The following PCDHGA5 variants were observed in gnomAD, a reference collection of about 807,000 sequenced individuals.
The protein encoded by PCDHGA5 is protocadherin gamma-A5.
PCDHGA5 carries 36 observed loss-of-function variants against 56.7 expected under a neutral mutation model. The observed-to-expected ratio is 0.64, with a 90% CI of 0.49 to 0.84. PCDHGA5 has a LOEUF of 0.84. Among genes scored for constraint, PCDHGA5 ranks in the 40% least tolerant of loss-of-function variants. The pLI, the probability that PCDHGA5 is intolerant of heterozygous loss-of-function variation, is 0.00. For missense variants in PCDHGA5, 1,305 were observed against 1,201.5 expected, an observed-to-expected ratio of 1.09 and a Z score of -1.27; for synonymous variants, 563 against 520.2, an observed-to-expected ratio of 1.08 and a Z score of -1.12.
At chr5:141,375,521 GACGTGGACCAGA>G in intron 1 of PCDHGA5, 1 of 1,613,994 alleles carries the variant, frequency 6.2e-7, no homozygotes, top group Non-Finnish European at 8.5e-7. Context: ...ACTGGACCCT[GACGTGGACCAGA>G]ACGCCCAAGT....
chr5:141,423,525 G>A (rs1014975146), intron 1 of PCDHGA5: 8 of 1,613,710 alleles, frequency 5.0e-6, no homozygotes, highest in African/African-American at 2.7e-5. Context: ...ACTCGCAGAA[G>A]AGTCACCTGA....
chr5:141,485,074 G>C lies in PCDHGA5; in HGVS notation c.2422-9733G>C, dbSNP rs2099606548. ...GGCCGAACCGCGCCAGAGCTGGCGC[G>C]GGGAAAGGGAGATAGGTGTCTCCAG... On this transcript the variant is annotated intron_variant, in intron 1 of 3. Coordinates refer to ENST00000518069, the MANE Select transcript of PCDHGA5 (RefSeq NM_018918.3). The surrounding 1 kb of genome is among the most constrained non-coding windows in gnomAD (Gnocchi z 5.7). 1 of 926,946 alleles carries C rather than the reference G, an allele frequency of 1.1e-6. No individual in the cohort carries two copies. The highest frequency in any genetic ancestry group is 1.6e-5 in the South Asian group (1 of 62,606). The allele number at this position is 926,946 out of a possible 1,614,324, so 57.4% of individuals were successfully genotyped here.
At chr5:141,375,062 C>G in intron 1 of PCDHGA5, 1 of 1,613,996 alleles carries the variant, frequency 6.2e-7, no homozygotes, top group Non-Finnish European at 8.5e-7. Flanking sequence ...TGGGCCAGGT[C>G]TTCGAGACAG....
rs1457243337 is a variant in PCDHGA5 at position 141,493,567 on chromosome 5, C to T, written c.2422-1240C>T. Reference sequence around the variant, plus strand: ...TTTGGAGATTGAGTTCCCCCAGCTCCGTTTCCTCCTATCACAATCACTGCA... The same window carrying T: ...TTTGGAGATTGAGTTCCCCCAGCTCTGTTTCCTCCTATCACAATCACTGCA... On this transcript the variant is annotated intron_variant, in intron 1 of 3. Transcript: ENST00000518069. This position sits in a 1 kb window ranked among gnomAD's most constrained non-coding sequence, Gnocchi z 4.3. Among the ~76,000 whole-genome samples, 3 of 152,266 alleles carry T rather than the reference C, an allele frequency of 2.0e-5. No individual in the cohort carries two copies. The highest frequency in any genetic ancestry group is 4.4e-5 in the Non-Finnish European group (3 of 68,018).
chr5:141,421,054 A>G, intron 1 of PCDHGA5: 3 of 571,978 alleles, frequency 5.2e-6, no homozygotes, highest in Non-Finnish European at 9.0e-6. Context: ...CGCCTCTACC[A>G]CACAAAGCGG....
chr5:141,491,232 G>C lies in PCDHGA5; in HGVS notation c.2422-3575G>C. The C allele has an allele frequency of 6.2e-7, 1 of 1,614,220 alleles. No individual in the cohort carries two copies. Among genetic ancestry groups the C allele is most frequent in the Non-Finnish European group, 8.5e-7 (1 of 1,180,034 alleles). On this transcript the variant is annotated intron_variant, in intron 1 of 3. Coordinates refer to ENST00000518069, the MANE Select transcript of PCDHGA5 (RefSeq NM_018918.3). The surrounding 1 kb of genome is among the most constrained non-coding windows in gnomAD (Gnocchi z 6.9). ...TCTCCTCCACAGCCACAGTGCTGCT[G>C]GTTCTGGAGGATGAGGACCCTGAGG... is the stretch of plus-strand genomic sequence containing the variant.
chr5:141,390,130 C>T lies in PCDHGA5; in HGVS notation c.2421+23379C>T. On this transcript the variant is annotated intron_variant, in intron 1 of 3. Coordinates refer to ENST00000518069, the MANE Select transcript of PCDHGA5 (RefSeq NM_018918.3). Reference sequence around the variant, plus strand: ...TACAGCGAGGGGACTTTGCCTTATTCCTACAATCTATGTGTTGCACATACA... The same window carrying T: ...TACAGCGAGGGGACTTTGCCTTATTTCTACAATCTATGTGTTGCACATACA... 6.2e-7 allele frequency: 1 copy of T among 1,614,034 alleles called. No individual in the cohort carries two copies. Among genetic ancestry groups the T allele is most frequent in the Non-Finnish European group, 8.5e-7 (1 of 1,179,898 alleles).
At chr5:141,441,736 T>C in intron 1 of PCDHGA5, 1 of 365,328 alleles carries the variant, frequency 2.7e-6, no homozygotes. Flanking sequence ...CAGGACTAGC[T>C]CGCGCTCGGC....
At chr5:141,407,286 T>A (rs1409712341) in intron 1 of PCDHGA5, among the ~76,000 whole-genome samples, 1 of 152,234 alleles carries the variant, frequency 6.6e-6, no homozygotes, top group Non-Finnish European at 1.5e-5. Flanking sequence ...TTGTTACAAT[T>A]TCTGTTCTGA....
At chr5:141,382,720 T>G in intron 1 of PCDHGA5, 1 of 480,114 alleles carries the variant, frequency 2.1e-6, no homozygotes, top group Non-Finnish European at 3.5e-6. Flanking sequence ...AACCACCGAG[T>G]TTTACAGCAC....
chr5:141,393,615 G>A (rs1168568292), intron 1 of PCDHGA5: 1 of 1,613,928 alleles, frequency 6.2e-7, no homozygotes, highest in South Asian at 1.1e-5. Context: ...AACAGCCAGC[G>A]ACCCGGATGA....
At chr5:141,399,466 G>A (rs1229342978) in intron 1 of PCDHGA5, 5 of 1,613,886 alleles carry the variant, frequency 3.1e-6, no homozygotes, top group East Asian at 4.5e-5. Context: ...TAACGCTCCG[G>A]TTTTCCACCA....
chr5:141,438,998 C>A (rs932958148), intron 1 of PCDHGA5, among the ~76,000 whole-genome samples: 7 of 151,836 alleles, frequency 4.6e-5, no homozygotes, highest in Non-Finnish European at 1.0e-4. Flanking sequence ...GGCTAAGGAC[C>A]TGGTTTGTTT....
chr5:141,432,991 CG>C lies in PCDHGA5; in HGVS notation c.2422-61812del. 1.9e-6 allele frequency: 3 copies of C among 1,614,200 alleles called. No homozygotes were observed. Among genetic ancestry groups the C allele is most frequent in the Non-Finnish European group, 2.5e-6 (3 of 1,180,030 alleles). On this transcript the variant is annotated intron_variant, in intron 1 of 3. Transcript: ENST00000518069. This position sits in a 1 kb window ranked among gnomAD's most constrained non-coding sequence, Gnocchi z 6.0. ...CGGCGTCGCACTTTGTGGGCGTGGACGGGGTGCAGGCTTTCCTGCAGACCTA... is the reference window on the plus strand; with the variant it reads ...CGGCGTCGCACTTTGTGGGCGTGGACGGGTGCAGGCTTTCCTGCAGACCTA...
At chr5:141,374,748 G>T in intron 1 of PCDHGA5, 1 of 1,611,888 alleles carries the variant, frequency 6.2e-7, no homozygotes, top group Non-Finnish European at 8.5e-7. Flanking sequence ...GACCCTGTCC[G>T]CTCAAGCGTC....
rs747205741 is a variant in PCDHGA5, at chr5:141,384,243, C to A, written c.2421+17492C>A. On this transcript the variant is annotated intron_variant, in intron 1 of 3. Coordinates refer to ENST00000518069, the MANE Select transcript of PCDHGA5 (RefSeq NM_018918.3). ...TGCAGGTGGCAGACACCAACGATAA[C>A]CCACCCACCTTCCCCCACTCATCCT... 3.5e-5 allele frequency: 56 copies of A among 1,613,762 alleles called. 1 individual carries two copies. The South Asian group carries it at 6.0e-4, about 17-fold the overall frequency.
intron 2 of PCDHGA5, among the ~76,000 whole-genome samples, chr5:141,499,326 C>T (rs1465474737): frequency 6.6e-6 from 1 of 152,156 alleles, no homozygotes. Context: ...TATCCCTGCT[C>T]TCTCTCAGTT....
Position 141,414,170 on chromosome 5 carries a change from T to C in PCDHGA5, c.2421+47419T>C, listed in dbSNP as rs1411353386. The C allele has an allele frequency of 6.2e-7, 1 of 1,606,208 alleles. No homozygotes were observed. The highest frequency in any genetic ancestry group is 1.7e-5 in the Admixed American group (1 of 58,580). The stretch of plus-strand genomic sequence containing the variant: ...CAAGCAGAAGATGGAGGAGCATATC[T>C]TGCAACTGCAAAAGTGTTGATTACA... On this transcript the variant is annotated intron_variant, in intron 1 of 3. Coordinates refer to ENST00000518069, the MANE Select transcript of PCDHGA5 (RefSeq NM_018918.3).
intron 1 of PCDHGA5, chr5:141,416,520 G>A (rs1209482346): frequency 6.6e-6 from 1 of 152,136 alleles, no homozygotes; most frequent in African/African-American, 2.4e-5. Context: ...TATTTCAGTG[G>A]CTCTTTAATG....
Sources: allele counts gnomAD v4.1 joint callset (sites outside exome capture counted in the v4.1 genomes callset), GRCh38; gene constraint gnomAD v4.1.1; non-coding constraint Gnocchi (gnomAD v3.1); transcripts MANE v1.5; gene names NCBI Gene and HGNC (gene_info 2026-07-23, HGNC 2026-07-21).